The following DLGAP1 variants were observed in gnomAD, a reference collection of about 807,000 sequenced individuals.
The protein encoded by DLGAP1 is disks large-associated protein 1.
A neutral mutation model predicts 90.8 loss-of-function variants in DLGAP1; 11 were observed. The observed-to-expected ratio is 0.12, with a 90% confidence interval of 0.08 to 0.20. DLGAP1 has a LOEUF of 0.20. Ranked by LOEUF, DLGAP1 falls within the 10% of genes least tolerant of loss-of-function variation. DLGAP1 has a pLI of 1.00. For synonymous variants in DLGAP1, 558 were observed against 540.7 expected (o/e 1.03, Z -0.44); for missense variants, 1,050 against 1,333.8 (o/e 0.79, Z 3.31).
At chr18:3,519,711 GC>G (rs1360371751) in intron 10 of DLGAP1, among the ~76,000 whole-genome samples, 1 of 152,166 alleles carries the variant, frequency 6.6e-6, no homozygotes, top group Non-Finnish European at 1.5e-5. Flanking sequence ...ACCGCCTCTT[GC>G]CCTTCTGACC....
At chr18:4,410,118 G>C (rs952165418) in intron 1 of DLGAP1, among the ~76,000 whole-genome samples, 1 of 152,230 alleles carries the variant, frequency 6.6e-6, no homozygotes, top group East Asian at 1.9e-4. Context: ...AGGACACAAA[G>C]GCATAAGAAT....
intron 1 of DLGAP1, among the ~76,000 whole-genome samples, chr18:4,283,054 A>G (rs2079592334): frequency 1.3e-5 from 2 of 152,220 alleles, no homozygotes; most frequent in African/African-American, 4.8e-5. Flanking sequence ...GACAGGCTAT[A>G]AGAAGTAGAT....
intron 7 of DLGAP1, among the ~76,000 whole-genome samples, chr18:3,657,272 T>C (rs2059525401): frequency 6.6e-6 from 1 of 152,214 alleles, no homozygotes; most frequent in African/African-American, 2.4e-5. Context: ...CAAAATTCTT[T>C]TCAATACTGG....
intron 7 of DLGAP1, among the ~76,000 whole-genome samples, chr18:3,614,592 G>A (rs1277465515): frequency 6.7e-6 from 1 of 149,844 alleles, no homozygotes; most frequent in African/African-American, 2.5e-5. Context: ...GGAGTCTCCC[G>A]CACTTTGGGA....
At chr18:4,343,575 A>G (rs1377408100) in intron 1 of DLGAP1, among the ~76,000 whole-genome samples, 1 of 151,972 alleles carries the variant, frequency 6.6e-6, no homozygotes, top group African/African-American at 2.4e-5. Flanking sequence ...CACTAAATCA[A>G]TGTTACTTTC....
intron 1 of DLGAP1, among the ~76,000 whole-genome samples, chr18:4,242,619 A>G (rs1328789728): frequency 1.3e-5 from 2 of 152,188 alleles, no homozygotes; most frequent in Non-Finnish European, 2.9e-5. Context: ...GGGAGGAAGA[A>G]AGCGGGAAGG....
chr18:4,367,408 CAAGT>C (rs1221676183), intron 1 of DLGAP1, among the ~76,000 whole-genome samples: 1 of 151,928 alleles, frequency 6.6e-6, no homozygotes, highest in Non-Finnish European at 1.5e-5. Context: ...TCCATCTTAC[CAAGT>C]AAGTTTTCTT....
intron 1 of DLGAP1, among the ~76,000 whole-genome samples, chr18:4,357,142 CTCTT>C (rs1346547889): frequency 6.9e-6 from 1 of 144,726 alleles, no homozygotes; most frequent in Non-Finnish European, 1.5e-5. Context: ...TTTGTTCTTT[CTCTT>C]TGTTTTTTTC....
intron 9 of DLGAP1, among the ~76,000 whole-genome samples, chr18:3,540,469 C>CAAAAAAAAAAAA (rs60740209): frequency 2.6e-4 from 15 of 58,020 alleles, no homozygotes; most frequent in African/African-American, 8.1e-4. Context: ...GGCCCTGTGT[C>CAAAAAAAAAAAA]AAAAAAAAAA....
intron 1 of DLGAP1, among the ~76,000 whole-genome samples, chr18:4,438,428 T>C (rs1481697744): frequency 1.8e-5 from 1 of 55,774 alleles, no homozygotes; most frequent in Non-Finnish European, 3.0e-5. Flanking sequence ...CGAGACTCCA[T>C]CTCAAAAAAA....
At chr18:4,367,682 T>C (rs2144171219) in intron 1 of DLGAP1, among the ~76,000 whole-genome samples, 1 of 152,218 alleles carries the variant, frequency 6.6e-6, no homozygotes, top group South Asian at 2.1e-4. Flanking sequence ...ACCCCATTTC[T>C]ACTAAAAATA....
At chr18:3,781,249 G>A (rs2065177656) in intron 5 of DLGAP1, among the ~76,000 whole-genome samples, 1 of 151,738 alleles carries the variant, frequency 6.6e-6, no homozygotes, top group Non-Finnish European at 1.5e-5. Flanking sequence ...TCATTCAGAG[G>A]CCCTCATTAT....
chr18:3,937,080 G>A (rs969261811), intron 3 of DLGAP1, among the ~76,000 whole-genome samples: 10 of 152,206 alleles, frequency 6.6e-5, no homozygotes, highest in Admixed American at 4.6e-4. Flanking sequence ...ACGCCCTGGA[G>A]AGGCCAGCTT....
At chr18:3,800,940 A>G (rs1005208341) in intron 5 of DLGAP1, among the ~76,000 whole-genome samples, 3 of 152,174 alleles carry the variant, frequency 2.0e-5, no homozygotes, top group African/African-American at 7.2e-5. Context: ...AAGGGTTTTA[A>G]TCAGCTCATG....
intron 2 of DLGAP1, among the ~76,000 whole-genome samples, chr18:4,079,808 T>A (rs2075578885): frequency 6.6e-6 from 1 of 151,952 alleles, no homozygotes; most frequent in East Asian, 1.9e-4. Flanking sequence ...AGATTCAGGA[T>A]CTGGTGCTTG....
intron 1 of DLGAP1, among the ~76,000 whole-genome samples, chr18:4,179,878 C>T (rs1469229138): frequency 6.6e-6 from 1 of 152,174 alleles, no homozygotes; most frequent in Non-Finnish European, 1.5e-5. Flanking sequence ...CCTCTCTGAT[C>T]TTCAGTGTCT....
intron 3 of DLGAP1, among the ~76,000 whole-genome samples, chr18:3,966,982 A>G (rs1377237688): frequency 6.6e-6 from 1 of 152,130 alleles, no homozygotes; most frequent in Non-Finnish European, 1.5e-5. Context: ...GAGGAGGAGA[A>G]AGCCAGGTTT....
intron 1 of DLGAP1, among the ~76,000 whole-genome samples, chr18:4,280,273 T>G (rs2079519118): frequency 6.6e-6 from 1 of 152,226 alleles, no homozygotes; most frequent in African/African-American, 2.4e-5. Flanking sequence ...ATTAATTTAT[T>G]CATATATTTA....
intron 3 of DLGAP1, chr18:3,978,229 C>T (rs2149024052): frequency 2.3e-6 from 1 of 430,578 alleles, no homozygotes; most frequent in Non-Finnish European, 4.5e-6. Context: ...TCTCATCGTT[C>T]ATGCCCATCA....
Sources: gnomAD v4.1 joint callset for allele counts (sites outside exome capture counted in the v4.1 genomes callset) on GRCh38, gnomAD v4.1.1 for gene constraint, MANE v1.5 for transcripts, NCBI Gene and HGNC (gene_info 2026-07-23, HGNC 2026-07-21) for gene names.